The following KCNQ1 variants were observed in gnomAD, a reference collection of about 807,000 sequenced individuals.
KCNQ1 encodes potassium voltage-gated channel subfamily Q member 1, also known as potassium voltage-gated channel subfamily KQT member 1.
A neutral mutation model predicts 72.4 loss-of-function variants in KCNQ1; 49 were observed. The observed-to-expected ratio is 0.68, with a 90% CI of 0.54 to 0.86. The LOEUF is 0.86. Among genes scored for constraint, KCNQ1 ranks in the 40% least tolerant of loss-of-function variants. KCNQ1 has a pLI of 0.00. For missense variants in KCNQ1, 790 were observed against 945.1 expected, an observed-to-expected ratio of 0.84 and a Z score of 2.15; for synonymous variants, 450 against 412.6, an observed-to-expected ratio of 1.09 and a Z score of -1.10.
chr11:2,626,632 A>G lies in KCNQ1; in HGVS notation c.1394-35329A>G, dbSNP rs1039408883. On this transcript the variant is annotated intron_variant, in intron 10 of 15. Transcript: ENST00000155840. This position sits in a 1 kb window ranked among gnomAD's most constrained non-coding sequence, Gnocchi z 4.0. Reference sequence around the variant, plus strand: ...CCACCTCAATCTCCCAGGCTCAAGCAATCCTCCCACCTCGGCTTCTTGAGT... The same window carrying G: ...CCACCTCAATCTCCCAGGCTCAAGCGATCCTCCCACCTCGGCTTCTTGAGT... 7.5e-6 allele frequency: 3 copies of G among 398,630 alleles called. No homozygotes were observed. Among genetic ancestry groups the G allele is most frequent in the African/African-American group, 4.1e-5 (2 of 48,742 alleles). 24.7% of individuals were successfully genotyped at this position (398,630 alleles called of 1,614,324 possible).
At chr11:2,641,001 T>TCC (rs1849567987) in intron 10 of KCNQ1, 1 of 398,456 alleles carries the variant, frequency 2.5e-6, no homozygotes, top group Admixed American at 4.4e-5. Flanking sequence ...ATGATTTCAT[T>TCC]CTTCTTTGGT....
In KCNQ1 at chr11:2,603,489, T is replaced by C. The variant is rs899531400; in HGVS notation, c.1393+14635T>C. ...CTCCAGTTTGAGAACATTTTTATCA[T>C]TCCAAAAAGAAACCCAGTGCCTTTT... On this transcript the variant is annotated intron_variant, in intron 10 of 15. Transcript: ENST00000155840. This position sits in a 1 kb window ranked among gnomAD's most constrained non-coding sequence, Gnocchi z 4.1. 6.6e-6 allele frequency among the ~76,000 whole-genome samples: 1 copy of C among 152,180 alleles called. No homozygotes were observed. The highest frequency in any genetic ancestry group is 1.5e-5 in the Non-Finnish European group (1 of 68,032).
rs939883440 is a variant in KCNQ1 at position 2,725,255 on chromosome 11, C to T, written c.1515-43589C>T. ...GTTCCCAGAATCCATCCGGGACAGA[C>T]GGCTGGACTTGTGAAACACTCCAGG... On this transcript the variant is annotated intron_variant, in intron 11 of 15. Transcript: ENST00000155840. The surrounding 1 kb of genome is among the most constrained non-coding windows in gnomAD (Gnocchi z 7.2). 1.3e-5 allele frequency among the ~76,000 whole-genome samples: 2 copies of T among 152,220 alleles called. No individual in the cohort carries two copies. Among genetic ancestry groups the T allele is most frequent in the Admixed American group, 6.5e-5 (1 of 15,286 alleles).
chr11:2,597,428 T>C (rs1848748173), intron 10 of KCNQ1, among the ~76,000 whole-genome samples: 1 of 152,200 alleles, frequency 6.6e-6, no homozygotes. Flanking sequence ...ACCACCGACA[T>C]ACCCATCAGT....
At chr11:2,705,037 C>A (rs891041683) in intron 11 of KCNQ1, among the ~76,000 whole-genome samples, 3 of 152,144 alleles carry the variant, frequency 2.0e-5, no homozygotes, top group African/African-American at 7.2e-5. Flanking sequence ...GAGAGGCACA[C>A]GGCTCAGGCT....
chr11:2,616,241 CCTA>C (rs1256436314), intron 10 of KCNQ1: 2 of 383,344 alleles, frequency 5.2e-6, no homozygotes, highest in African/African-American at 4.5e-5. Context: ...TTGTTGTGTT[CCTA>C]CTTTTGTTTA....
At chr11:2,466,820 A>C (rs952510825) in intron 1 of KCNQ1, among the ~76,000 whole-genome samples, 4 of 152,238 alleles carry the variant, frequency 2.6e-5, no homozygotes, top group African/African-American at 9.6e-5. Flanking sequence ...AACAGGGATC[A>C]TAATAGTTTT....
At chr11:2,796,226 G>C (rs1847125959) in intron 15 of KCNQ1, among the ~76,000 whole-genome samples, 1 of 152,022 alleles carries the variant, frequency 6.6e-6, no homozygotes, top group African/African-American at 2.4e-5. Flanking sequence ...TGTCCCACCA[G>C]AAGCCAGCAC....
Position 2,830,420 on chromosome 11 carries a change from A to T in KCNQ1, c.1795-17347A>T, listed in dbSNP as rs185940684. Among the ~76,000 whole-genome samples the T allele has an allele frequency of 6.6e-6, 1 of 152,148 alleles. No homozygotes were observed. The highest frequency in any genetic ancestry group is 6.5e-5 in the Admixed American group (1 of 15,286). ...AGGCCCCGGGATCTAAGTCCCTGTTAAGTCCCCTGTTAAAGGACCTAGGTC... is the reference window on the plus strand; with the variant it reads ...AGGCCCCGGGATCTAAGTCCCTGTTTAGTCCCCTGTTAAAGGACCTAGGTC... On this transcript the variant is annotated intron_variant, in intron 15 of 15. Coordinates refer to ENST00000155840, the MANE Select transcript of KCNQ1 (RefSeq NM_000218.3). This position sits in a 1 kb window ranked among gnomAD's most constrained non-coding sequence, Gnocchi z 7.7.
chr11:2,810,531 G>C (rs899443923), intron 15 of KCNQ1, among the ~76,000 whole-genome samples: 1 of 152,150 alleles, frequency 6.6e-6, no homozygotes, highest in Non-Finnish European at 1.5e-5. Context: ...TAATATCCCA[G>C]AGCACACGCT....
Position 2,723,504 on chromosome 11 carries a change from C to G in KCNQ1, c.1515-45340C>G, listed in dbSNP as rs1026200834. Among the ~76,000 whole-genome samples, 5 of 152,218 alleles carry G rather than the reference C, an allele frequency of 3.3e-5. No individual in the cohort carries two copies. The East Asian group carries it at 9.6e-4, about 29-fold the overall frequency. On this transcript the variant is annotated intron_variant, in intron 11 of 15. Transcript: ENST00000155840. This position sits in a 1 kb window ranked among gnomAD's most constrained non-coding sequence, Gnocchi z 4.2. The stretch of plus-strand genomic sequence containing the variant: ...CACGTGGAAGCCCTACACAGGCAGC[C>G]CCACACCTGGTCCGCTGTTCTGTCC...
intron 2 of KCNQ1, among the ~76,000 whole-genome samples, chr11:2,534,750 C>T (rs1470444492): frequency 3.3e-5 from 5 of 152,242 alleles, no homozygotes; most frequent in African/African-American, 1.2e-4. Context: ...ACCACCCAGG[C>T]CACTCTGAGG....
chr11:2,757,194 T>G (rs1402698337), intron 11 of KCNQ1, among the ~76,000 whole-genome samples: 1 of 152,152 alleles, frequency 6.6e-6, no homozygotes, highest in Admixed American at 6.5e-5. Context: ...TAGAATTGTC[T>G]ATATAGAAAA....
chr11:2,847,403 G>A (rs1848352124), intron 15 of KCNQ1, among the ~76,000 whole-genome samples: 1 of 152,222 alleles, frequency 6.6e-6, no homozygotes, highest in African/African-American at 2.4e-5. Flanking sequence ...TCAGGTCCGG[G>A]TCCCTGGTGC....
rs1035401460 is a variant in KCNQ1 at position 2,593,621 on chromosome 11, T to C, written c.1393+4767T>C. 1.2e-4 allele frequency among the ~76,000 whole-genome samples: 18 copies of C among 151,804 alleles called. No homozygotes were observed. The highest frequency in any genetic ancestry group is 4.1e-4 in the African/African-American group (17 of 41,300). On this transcript the variant is annotated intron_variant, in intron 10 of 15. Transcript: ENST00000155840. This position sits in a 1 kb window ranked among gnomAD's most constrained non-coding sequence, Gnocchi z 6.9. The stretch of plus-strand genomic sequence containing the variant: ...GGAGCATGCATCACATACCCAGAGG[T>C]CCCCAGTGTGGTCTGGGGACTCATC...
In KCNQ1 at chr11:2,848,004, G is replaced by T; in HGVS notation, c.*1G>T. 1 of 1,540,920 alleles carries T rather than the reference G, an allele frequency of 6.5e-7. No homozygotes were observed. The highest frequency in any genetic ancestry group is 1.2e-5 in the South Asian group (1 of 82,600). On this transcript the variant is annotated 3_prime_UTR_variant, in exon 16 of 16. Transcript: ENST00000155840. ...GAGGGGCCCCGATGAGGGGTCCTGA[G>T]GAGGGGATGGGGCTGGGGGATGGGC...
intron 1 of KCNQ1, among the ~76,000 whole-genome samples, chr11:2,503,497 C>T (rs1417828183): frequency 1.5e-5 from 2 of 133,638 alleles, no homozygotes; most frequent in African/African-American, 5.8e-5. Flanking sequence ...AATGAGAACA[C>T]ATGGACACAG....
At position 2,653,005 on chromosome 11, in the gene KCNQ1, C is replaced by CAAAT; in HGVS notation, c.1394-8955_1394-8952dup. The CAAAT allele has an allele frequency of 2.5e-6, 1 of 398,642 alleles. No homozygotes were observed. The highest frequency in any genetic ancestry group is 4.4e-6 in the Non-Finnish European group (1 of 226,070). 24.7% of individuals were successfully genotyped at this position (398,642 alleles called of 1,614,324 possible). A position where few individuals can be genotyped will look rare whatever the true frequency, so the allele number is the denominator to read the frequency against. On this transcript the variant is annotated intron_variant, in intron 10 of 15. Transcript: ENST00000155840. This position sits in a 1 kb window ranked among gnomAD's most constrained non-coding sequence, Gnocchi z 5.3. ...TGTCACATCACTGTCATGCTTGAGGCAAATCTATTCTGCACACCTTTGATC... is the reference window on the plus strand; with the variant it reads ...TGTCACATCACTGTCATGCTTGAGGCAAATAAATCTATTCTGCACACCTTTGATC...
intron 15 of KCNQ1, among the ~76,000 whole-genome samples, chr11:2,786,283 A>G (rs1846911187): frequency 6.6e-6 from 1 of 152,148 alleles, no homozygotes; most frequent in Non-Finnish European, 1.5e-5. Flanking sequence ...TTTGGCTTCC[A>G]CTGTTACCGT....
Sources: gnomAD v4.1 joint callset for allele counts (sites outside exome capture counted in the v4.1 genomes callset) on GRCh38, gnomAD v4.1.1 for gene constraint, Gnocchi (gnomAD v3.1) non-coding constraint, MANE v1.5 for transcripts, NCBI Gene and HGNC (gene_info 2026-07-23, HGNC 2026-07-21) for gene names.